Variants in SPATA6 observed in about 807,000 individuals in gnomAD.
The protein encoded by SPATA6 is spermatogenesis-associated protein 6.
A neutral mutation model predicts 65.3 loss-of-function variants in SPATA6; 56 were observed. The observed-to-expected ratio is 0.86, with a 90% CI of 0.69 to 1.07. The LOEUF is 1.07. Ranked by LOEUF, SPATA6 falls within the 50% of genes least tolerant of loss-of-function variation. The pLI, the probability that SPATA6 is intolerant of heterozygous loss-of-function variation, is 0.00. For synonymous variants in SPATA6, 199 were observed against 213.2 expected, an observed-to-expected ratio of 0.93 and a Z score of 0.58; for missense variants, 590 against 594.8, an observed-to-expected ratio of 0.99 and a Z score of 0.08.
intron 11 of SPATA6, among the ~76,000 whole-genome samples, chr1:48,351,182 T>A (rs144719247): frequency 6.6e-6 from 1 of 151,876 alleles, no homozygotes; most frequent in Admixed American, 6.6e-5. Context: ...AGAAAAAAAA[T>A]TGACTTTCCT....
At chr1:48,386,259 G>A (rs186728192) in intron 8 of SPATA6, among the ~76,000 whole-genome samples, 419 of 152,204 alleles carry the variant, frequency 2.8e-3, no homozygotes, top group African/African-American at 8.5e-3. Flanking sequence ...AAATTTATCC[G>A]TAAGATAATA....
chr1:48,420,906 G>A (rs1232480976), intron 3 of SPATA6, among the ~76,000 whole-genome samples: 2 of 152,016 alleles, frequency 1.3e-5, no homozygotes, highest in Non-Finnish European at 2.9e-5. Flanking sequence ...AAACCTAGAG[G>A]ACATTATGTT....
At chr1:48,289,388 T>C in the SPATA6 span, among the ~76,000 whole-genome samples, 1 of 152,140 alleles carries the variant, frequency 6.6e-6, no homozygotes, top group Non-Finnish European at 1.5e-5. Context: ...ACCACAAAGA[T>C]GGGGAGAAAC....
intron 11 of SPATA6, among the ~76,000 whole-genome samples, chr1:48,314,039 AG>A (rs577772685): frequency 1.6e-4 from 25 of 152,220 alleles, no homozygotes; most frequent in Non-Finnish European, 3.2e-4. Flanking sequence ...AGATTCATAA[AG>A]CAAGTCCTTA....
intron 3 of SPATA6, chr1:48,437,092 A>G (rs1247248000): frequency 6.3e-7 from 1 of 1,598,626 alleles, no homozygotes. Flanking sequence ...GAAAGAAGAA[A>G]GCCAGGATTC....
Position 48,380,396 on chromosome 1 carries a change from A to G in SPATA6, c.909+4913T>C, listed in dbSNP as rs953369596. Among the ~76,000 whole-genome samples the G allele has an allele frequency of 7.9e-5, 12 of 152,340 alleles. No individual in the cohort carries two copies. In the East Asian group the frequency reaches 2.1e-3, roughly 27 times the overall value. On this transcript the variant is annotated intron_variant, in intron 9 of 12. Coordinates refer to ENST00000371847, the MANE Select transcript of SPATA6 (RefSeq NM_019073.4). ...CTACTATCCCCTAAGGGAAGCCCTGATATTAAGGAATCCAGCGATGAGAGT... is the reference window on the plus strand; with the variant it reads ...CTACTATCCCCTAAGGGAAGCCCTGGTATTAAGGAATCCAGCGATGAGAGT...
intron 7 of SPATA6, 100 bp from the exon 8 acceptor site, chr1:48,395,454 T>A: frequency 1.5e-6 from 1 of 682,600 alleles, no homozygotes; most frequent in Non-Finnish European, 2.1e-6. Flanking sequence ...AGAGCATATA[T>A]AATCAGGGAA....
At chr1:48,359,003 T>C (rs1393700054) in intron 10 of SPATA6, among the ~76,000 whole-genome samples, 1 of 152,186 alleles carries the variant, frequency 6.6e-6, no homozygotes, top group African/African-American at 2.4e-5. Context: ...TCTATATTAC[T>C]ATTAGTGACA....
chr1:48,326,823 T>G (rs1233057292), intron 11 of SPATA6, among the ~76,000 whole-genome samples: 1 of 152,130 alleles, frequency 6.6e-6, no homozygotes, highest in East Asian at 1.9e-4. Context: ...ACTCGGACCC[T>G]TATCTCTCAC....
chr1:48,437,040 A>T, intron 3 of SPATA6: 2 of 1,605,556 alleles, frequency 1.2e-6, no homozygotes, highest in Non-Finnish European at 1.7e-6. Context: ...AGAAAAGGCC[A>T]TCAGCAAGCA....
intron 3 of SPATA6, among the ~76,000 whole-genome samples, chr1:48,435,667 A>C (rs1484859705): frequency 6.6e-6 from 1 of 152,120 alleles, no homozygotes; most frequent in Non-Finnish European, 1.5e-5. Flanking sequence ...AAAGGATCGT[A>C]AATGCACCAA....
At chr1:48,372,428 T>G (rs1049108925) in intron 9 of SPATA6, among the ~76,000 whole-genome samples, 7 of 152,196 alleles carry the variant, frequency 4.6e-5, no homozygotes, top group Non-Finnish European at 4.4e-5. Context: ...TGATGCAAGA[T>G]GTGGGTTCCC....
At chr1:48,441,642 C>T (rs1395385496) in intron 3 of SPATA6, among the ~76,000 whole-genome samples, 3 of 151,744 alleles carry the variant, frequency 2.0e-5, no homozygotes, top group Non-Finnish European at 4.4e-5. Flanking sequence ...CTTCTCTTTA[C>T]ACGTCACAGA....
chr1:48,346,843 C>T (rs1296892297), intron 11 of SPATA6, among the ~76,000 whole-genome samples: 1 of 152,030 alleles, frequency 6.6e-6, no homozygotes, highest in South Asian at 2.1e-4. Context: ...AAAAACATCC[C>T]ATGCTCATGG....
Position 48,435,499 on chromosome 1 carries a change from CACCA to C in SPATA6, c.238+16049_238+16052del, listed in dbSNP as rs376165559. ...CACCAATCAGCACTCTGTAAAAATG[CACCA>C]ATCAGCACTCTTGGTCTAGCTAAAG... On this transcript the variant is annotated intron_variant, in intron 3 of 12. Coordinates refer to ENST00000371847, the MANE Select transcript of SPATA6 (RefSeq NM_019073.4). Among the ~76,000 whole-genome samples, 9 of 152,278 alleles carry C rather than the reference CACCA, an allele frequency of 5.9e-5. 1 individual carries two copies. The highest frequency in any genetic ancestry group is 2.2e-4 in the African/African-American group (9 of 41,554).
At chr1:48,449,182 C>A (rs1570613975) in intron 3 of SPATA6, among the ~76,000 whole-genome samples, 1 of 151,916 alleles carries the variant, frequency 6.6e-6, no homozygotes, top group Non-Finnish European at 1.5e-5. Context: ...CTAATAAATA[C>A]AAAAGAATGA....
intron 11 of SPATA6, among the ~76,000 whole-genome samples, chr1:48,318,765 A>G (rs80135671): frequency 0.066 from 10,072 of 152,250 alleles, 421 homozygotes; most frequent in Non-Finnish European, 0.093. Flanking sequence ...CAAAAATTGA[A>G]AAGTTGATCC....
chr1:48,404,790 T>C (rs541237420), intron 5 of SPATA6, among the ~76,000 whole-genome samples: 4 of 152,234 alleles, frequency 2.6e-5, no homozygotes, highest in Non-Finnish European at 4.4e-5. Context: ...TGAATGTGGC[T>C]TATATTTCTA....
chr1:48,308,276 T>C (rs887253087), intron 11 of SPATA6, among the ~76,000 whole-genome samples: 1 of 152,042 alleles, frequency 6.6e-6, no homozygotes, highest in Non-Finnish European at 1.5e-5. Context: ...ACAAATAACA[T>C]CTTAATACAG....
Sources: allele counts gnomAD v4.1 joint callset (sites outside exome capture counted in the v4.1 genomes callset), GRCh38; gene constraint gnomAD v4.1.1; transcripts MANE v1.5; gene names NCBI Gene and HGNC (gene_info 2026-07-23, HGNC 2026-07-21).